Variants in KRIT1 observed in about 807,000 individuals in gnomAD.
The protein encoded by KRIT1 is KRIT1 ankyrin repeat containing, also known as krev interaction trapped protein 1.
Under a neutral mutation model 95.8 loss-of-function variants are expected in KRIT1, and 45 were observed. The observed-to-expected ratio is 0.47, with a 90% CI of 0.37 to 0.60. KRIT1 has a LOEUF of 0.60. Ranked by LOEUF, KRIT1 falls within the 20% of genes least tolerant of loss-of-function variation. KRIT1 has a pLI of 0.00. For synonymous variants in KRIT1, 282 were observed against 278.8 expected (o/e 1.01, Z -0.11); for missense variants, 788 against 877.5 (o/e 0.90, Z 1.29).
At chr7:92,214,565 G>C (rs1393970001) in intron 15 of KRIT1, 46 bp downstream of exon 15, 13 of 1,419,220 alleles carry the variant, frequency 9.2e-6, no homozygotes, top group Non-Finnish European at 1.3e-5. Context: ...TGGTTAAACA[G>C]AATCTTAAGC....
chr7:92,207,393 A>C (rs1791789792), intron 17 of KRIT1, among the ~76,000 whole-genome samples: 1 of 152,062 alleles, frequency 6.6e-6, no homozygotes, highest in Non-Finnish European at 1.5e-5. Flanking sequence ...AAAGCTTTAT[A>C]TTAGGTTGGT....
At chr7:92,217,586 T>C (rs1209710502) in intron 14 of KRIT1, among the ~76,000 whole-genome samples, 1 of 152,250 alleles carries the variant, frequency 6.6e-6, no homozygotes, top group Non-Finnish European at 1.5e-5. Flanking sequence ...TGTTGTCACA[T>C]GTATCATAAC....
At position 92,214,681 on chromosome 7, in the gene KRIT1, A is replaced by G; in HGVS notation, c.1660T>C (p.Leu554=). ...ACTATTTGCAAAAGCAGACTTGCCAATGTTATCAGCTTAGCATCAGGAGCT... is the reference window on the plus strand; with the variant it reads ...ACTATTTGCAAAAGCAGACTTGCCAGTGTTATCAGCTTAGCATCAGGAGCT... ...YTAPDAKLIT[L]ASLLLQIVYG... The change falls in exon 15 of 19, where the codon TTG becomes CTG. Residue 554 remains leucine, a synonymous_variant. Coordinates refer to ENST00000394505, the MANE Select transcript of KRIT1 (RefSeq NM_194454.3). The G allele has an allele frequency of 1.2e-6, 2 of 1,611,984 alleles. No homozygotes were observed. Among genetic ancestry groups the G allele is most frequent in the Non-Finnish European group, 1.7e-6 (2 of 1,178,126 alleles).
At chr7:92,242,333 C>T (rs990615076) in intron 3 of KRIT1, among the ~76,000 whole-genome samples, 196 bp from the exon 4 acceptor site, 1 of 152,172 alleles carries the variant, frequency 6.6e-6, no homozygotes, top group Non-Finnish European at 1.5e-5. Flanking sequence ...ACTTTGACTG[C>T]ATCTTTACTG....
Position 92,214,069 on chromosome 7 carries a change from C to T in KRIT1, c.1731-90G>A, listed in dbSNP as rs58251940. 3,253 of 810,148 alleles carry T rather than the reference C, an allele frequency of 4.0e-3. 72 individuals carry two copies. In the African/African-American group the frequency reaches 0.045, roughly 11 times the overall value. The allele number at this position is 810,148 out of a possible 1,614,324, so 50.2% of individuals were successfully genotyped here. On this transcript the variant is annotated intron_variant, in intron 15 of 18. Coordinates refer to ENST00000394505, the MANE Select transcript of KRIT1 (RefSeq NM_194454.3). Reference sequence around the variant, plus strand: ...TTCTGTTACAAATGGCTTTCAGTAACGTAATTTTTAACCTGAAAAATATTT... The same window carrying T: ...TTCTGTTACAAATGGCTTTCAGTAATGTAATTTTTAACCTGAAAAATATTT...
At chr7:92,225,086 G>A (rs1003988383) in intron 12 of KRIT1, among the ~76,000 whole-genome samples, 23 of 152,128 alleles carry the variant, frequency 1.5e-4, no homozygotes, top group African/African-American at 5.6e-4. Context: ...CTGGGAGGCA[G>A]AGGTTGCGGT....
At chr7:92,236,606 T>A in intron 6 of KRIT1, 64 bp from the exon 7 acceptor site, 1 of 1,055,764 alleles carries the variant, frequency 9.5e-7, no homozygotes, top group Non-Finnish European at 1.5e-6. Context: ...TGTTTTCATC[T>A]AAAAATACAT....
chr7:92,238,334 C>T (rs1252733628), intron 5 of KRIT1, among the ~76,000 whole-genome samples: 1 of 152,140 alleles, frequency 6.6e-6, no homozygotes, highest in Non-Finnish European at 1.5e-5. Flanking sequence ...ATTCTCTAGA[C>T]CTTTGTTATG....
At chr7:92,234,665 C>CTATGAAAGCTCTG in intron 9 of KRIT1, 73 bp from the exon 10 acceptor site, 1 of 1,341,190 alleles carries the variant, frequency 7.5e-7, no homozygotes, top group Non-Finnish European at 1.1e-6. Flanking sequence ...TGTGACACAT[C>CTATGAAAGCTCTG]TATGAAAGCT....
At chr7:92,234,764 G>A in intron 9 of KRIT1, 44 bp downstream of exon 9, 3 of 1,227,356 alleles carry the variant, frequency 2.4e-6, no homozygotes, top group South Asian at 1.2e-5. Flanking sequence ...AAATTAGAAT[G>A]TAAGTTTTTA....
chr7:92,215,954 G>T (rs1793880752), intron 14 of KRIT1, among the ~76,000 whole-genome samples: 1 of 151,928 alleles, frequency 6.6e-6, no homozygotes, highest in African/African-American at 2.4e-5. Flanking sequence ...TTGCGGCCAG[G>T]CACGGTGGCT....
rs1238139509 is a variant in KRIT1 at position 92,215,172 on chromosome 7, T to C, written c.1564-395A>G. Among the ~76,000 whole-genome samples, 4 of 152,142 alleles carry C rather than the reference T, an allele frequency of 2.6e-5. No individual in the cohort carries two copies. In the South Asian group the frequency reaches 6.2e-4, roughly 24 times the overall value. On this transcript the variant is annotated intron_variant, in intron 14 of 18. Transcript: ENST00000394505. ...AATCATCTTGTGAGGTATACAAAAA[T>C]TGGCAAAATATGGCTATAAGCTATA...
At chr7:92,208,112 G>T (rs547015742) in intron 17 of KRIT1, among the ~76,000 whole-genome samples, 1 of 151,794 alleles carries the variant, frequency 6.6e-6, no homozygotes, top group South Asian at 2.1e-4. Flanking sequence ...ATGACCACTG[G>T]GTCAATTAAA....
rs751396303 is a variant in KRIT1, at chr7:92,226,763, C to G, written c.990-81G>C. 277 of 1,336,232 alleles carry G rather than the reference C, an allele frequency of 2.1e-4. 3 individuals are homozygous for G. The highest frequency in any genetic ancestry group is 4.0e-5 in the Non-Finnish European group (38 of 956,746). The allele number at this position is 1,336,232 out of a possible 1,614,324, so 82.8% of individuals were successfully genotyped here. A position where few individuals can be genotyped will look rare whatever the true frequency, so the allele number is the denominator to read the frequency against. Reference sequence around the variant, plus strand: ...GATCATCTGAAATGTTTTTAAAAATCCAAATTTTAGATGATATCTCAAAGA... The same window carrying G: ...GATCATCTGAAATGTTTTTAAAAATGCAAATTTTAGATGATATCTCAAAGA... On this transcript the variant is annotated intron_variant, in intron 10 of 18. Transcript: ENST00000394505.
At chr7:92,213,102 G>A (rs994136424) in intron 17 of KRIT1, 93 bp downstream of exon 17, 9 of 833,634 alleles carry the variant, frequency 1.1e-5, no homozygotes, top group African/African-American at 1.0e-4. Flanking sequence ...GAACAGTCTT[G>A]TATATATGCC....
intron 10 of KRIT1, among the ~76,000 whole-genome samples, chr7:92,229,989 G>C (rs1044367941): frequency 6.6e-6 from 1 of 152,154 alleles, no homozygotes. Flanking sequence ...TGAAATCTGA[G>C]AATGAATTTA....
At chr7:92,213,173 T>A in intron 17 of KRIT1, 22 bp downstream of exon 17, 1 of 1,533,372 alleles carries the variant, frequency 6.5e-7, no homozygotes, top group Non-Finnish European at 9.0e-7. Context: ...ACATGATTGG[T>A]AAAAAAGAGC....
At chr7:92,242,989 T>C (rs2131794157) in intron 3 of KRIT1, among the ~76,000 whole-genome samples, 1 of 152,298 alleles carries the variant, frequency 6.6e-6, no homozygotes, top group South Asian at 2.1e-4. Flanking sequence ...CGGCTAATTT[T>C]TGTGTCTTTT....
Position 92,225,818 on chromosome 7 carries a change from C to G in KRIT1, c.1156G>C (p.Asp386His), listed in dbSNP as rs1563275961. 6.4e-7 allele frequency: 1 copy of G among 1,574,620 alleles called. No individual in the cohort carries two copies. Among genetic ancestry groups the G allele is most frequent in the Admixed American group, 1.7e-5 (1 of 59,922 alleles). Reference sequence around the variant, plus strand: ...TTTAATGGAGATCTTCCTTGTTGGTCTGTTATATGCTAGAAATGTGGGTGG... The same window carrying G: ...TTTAATGGAGATCTTCCTTGTTGGTGTGTTATATGCTAGAAATGTGGGTGG... ...NHPETDRHIT[D>H]QQGRSPLNIC... The change falls in exon 12 of 19, where the codon GAC becomes CAC. Residue 386 changes from aspartate (D) to histidine (H), a missense_variant. Asp to His is a moderately conservative substitution (Grantham distance 81). Around this residue, in one of 3 missense-constraint regions of KRIT1, gnomAD observed 493 missense variants for 582.3 expected, o/e 0.85. Transcript: ENST00000394505.
Sources: gnomAD v4.1 joint callset for allele counts (sites outside exome capture counted in the v4.1 genomes callset) on GRCh38, gnomAD v4.1.1 for gene constraint, gnomAD v4.1.1 regional missense constraint, MANE v1.5 for transcripts, NCBI Gene and HGNC (gene_info 2026-07-23, HGNC 2026-07-21) for gene names.